The following PGM5 variants were observed in gnomAD, a reference collection of about 807,000 sequenced individuals.
The protein encoded by PGM5 is phosphoglucomutase-like protein 5.
PGM5 carries 23 observed loss-of-function variants against 59.2 expected under a neutral mutation model. The observed-to-expected ratio is 0.39, with a 90% CI of 0.28 to 0.55. The LOEUF is 0.55. PGM5 is among the 20% of genes least tolerant of loss of function. The probability of loss-of-function intolerance (pLI) is 0.66; values close to 1 mark genes in which losing one functional copy is unlikely to be tolerated. For missense variants in PGM5, 574 were observed against 748.3 expected, an observed-to-expected ratio of 0.77 and a Z score of 2.72; for synonymous variants, 214 against 286.0, an observed-to-expected ratio of 0.75 and a Z score of 2.54.
chr9:68,459,727 TTTGCATTTCCCTGATCTCTAGTGATG>T (rs558502371), intron 6 of PGM5, among the ~76,000 whole-genome samples: 385 of 152,330 alleles, frequency 2.5e-3, no homozygotes, highest in South Asian at 0.01. Context: ...GTGGTTTTAA[TTTGCATTTCCCTGATCTCTAGTGATG>T]TTGCATTTCC....
chr9:68,411,670 AT>A (rs1243070164), intron 6 of PGM5, among the ~76,000 whole-genome samples: 12 of 152,092 alleles, frequency 7.9e-5, no homozygotes, highest in Non-Finnish European at 1.8e-4. Context: ...GAATAATGAA[AT>A]TCATGCTTAC....
At chr9:68,453,080 C>T (rs1289491748) in intron 6 of PGM5, among the ~76,000 whole-genome samples, 1 of 152,208 alleles carries the variant, frequency 6.6e-6, no homozygotes, top group Non-Finnish European at 1.5e-5. Context: ...ACCAACTCCA[C>T]AAGGTGCTCT....
intron 6 of PGM5, among the ~76,000 whole-genome samples, chr9:68,460,836 G>A (rs570166448): frequency 3.9e-4 from 59 of 152,196 alleles, no homozygotes; most frequent in African/African-American, 9.9e-4. Flanking sequence ...CAATTCCTGC[G>A]CTCATGGAAG....
chr9:68,369,632 T>A (rs2131981474), intron 1 of PGM5, among the ~76,000 whole-genome samples: 1 of 152,248 alleles, frequency 6.6e-6, no homozygotes, highest in African/African-American at 2.4e-5. Flanking sequence ...GAGAAATGGG[T>A]GGGCCGATTG....
chr9:68,495,339 G>C (rs2132102094), intron 9 of PGM5, among the ~76,000 whole-genome samples: 1 of 152,304 alleles, frequency 6.6e-6, no homozygotes, highest in South Asian at 2.1e-4. Flanking sequence ...AGTCATGCAA[G>C]TCATGAGGAT....
intron 4 of PGM5, among the ~76,000 whole-genome samples, chr9:68,388,075 G>A (rs1428293287): frequency 2.1e-5 from 3 of 141,612 alleles, no homozygotes; most frequent in African/African-American, 7.8e-5. Context: ...CATACTACAG[G>A]AACTGGAGCT....
chr9:68,479,825 T>C (rs1474789507), intron 8 of PGM5, among the ~76,000 whole-genome samples: 1 of 150,712 alleles, frequency 6.6e-6, no homozygotes, highest in Non-Finnish European at 1.5e-5. Flanking sequence ...TCCCAGCTAC[T>C]TGGGAGGCTG....
intron 9 of PGM5, among the ~76,000 whole-genome samples, chr9:68,492,174 C>T (rs1363851912): frequency 6.6e-6 from 1 of 152,144 alleles, no homozygotes; most frequent in Non-Finnish European, 1.5e-5. Flanking sequence ...AGGGAGGAAG[C>T]TATGCCGTTG....
At chr9:68,369,572 A>G (rs540004312) in intron 1 of PGM5, among the ~76,000 whole-genome samples, 6 of 152,214 alleles carry the variant, frequency 3.9e-5, no homozygotes, top group South Asian at 2.1e-4. Flanking sequence ...CACCACCTCC[A>G]TTTTGCATCC....
chr9:68,422,576 G>A (rs1033925246), intron 6 of PGM5, among the ~76,000 whole-genome samples: 2 of 152,048 alleles, frequency 1.3e-5, no homozygotes, highest in Admixed American at 6.5e-5. Flanking sequence ...ATAGGTGTGA[G>A]CCACCTAGCC....
intron 10 of PGM5, among the ~76,000 whole-genome samples, chr9:68,502,545 A>T (rs1336050293): frequency 6.6e-6 from 1 of 152,232 alleles, no homozygotes; most frequent in Non-Finnish European, 1.5e-5. Flanking sequence ...ACAGACTGAT[A>T]ATCAGCCCGT....
intron 10 of PGM5, among the ~76,000 whole-genome samples, chr9:68,522,888 TCTC>T (rs1824920139): frequency 6.6e-6 from 1 of 152,180 alleles, no homozygotes; most frequent in African/African-American, 2.4e-5. Context: ...CTTTAATTCT[TCTC>T]CTGGTTTCAC....
chr9:68,468,958 C>A (rs1554686060), intron 7 of PGM5, among the ~76,000 whole-genome samples: 1 of 152,202 alleles, frequency 6.6e-6, no homozygotes, highest in African/African-American at 2.4e-5. Context: ...TGCTCTGTCA[C>A]CCAGGCTGGA....
intron 7 of PGM5, among the ~76,000 whole-genome samples, chr9:68,470,495 T>G (rs1824002182): frequency 1.3e-5 from 2 of 152,262 alleles, no homozygotes. Flanking sequence ...ATAGTGCTGT[T>G]GCACAAATAC....
At chr9:68,395,005 T>G (rs1822463445) in intron 6 of PGM5, among the ~76,000 whole-genome samples, 1 of 152,168 alleles carries the variant, frequency 6.6e-6, no homozygotes, top group Non-Finnish European at 1.5e-5. Context: ...TTATAATTAA[T>G]GGATTATATG....
chr9:68,529,043 G>A (rs368417783), intron 10 of PGM5, among the ~76,000 whole-genome samples: 20 of 152,242 alleles, frequency 1.3e-4, no homozygotes, highest in African/African-American at 4.1e-4. Flanking sequence ...TTACGTAATG[G>A]GAAGGCATGA....
At chr9:68,517,770 G>T (rs1824844174) in intron 10 of PGM5, among the ~76,000 whole-genome samples, 2 of 152,204 alleles carry the variant, frequency 1.3e-5, no homozygotes, top group Admixed American at 1.3e-4. Flanking sequence ...AGTAGTGGTG[G>T]ACTAGGTGAT....
At chr9:68,507,751 T>C (rs12375820) in intron 10 of PGM5, among the ~76,000 whole-genome samples, 93,141 of 151,996 alleles carry the variant, frequency 0.61, 29,728 homozygotes, top group Admixed American at 0.72. Flanking sequence ...TTTTTTCTAT[T>C]TCTGCTTAGA....
chr9:68,401,296 C>T (rs1822660666), intron 6 of PGM5, among the ~76,000 whole-genome samples: 1 of 150,758 alleles, frequency 6.6e-6, no homozygotes, highest in South Asian at 2.1e-4. Flanking sequence ...TTAAGTAACC[C>T]AAGTGCTAAA....
Sources: gnomAD v4.1 joint callset for allele counts (sites outside exome capture counted in the v4.1 genomes callset) on GRCh38, gnomAD v4.1.1 for gene constraint, MANE v1.5 for transcripts, NCBI Gene and HGNC (gene_info 2026-07-23, HGNC 2026-07-21) for gene names.